CTBP2: variants seen among roughly 807,000 people sequenced by gnomAD.
CTBP2 encodes C-terminal binding protein 2, also known as C-terminal-binding protein 2.
Under a neutral mutation model 80.3 loss-of-function variants are expected in CTBP2, and 30 were observed. The ratio of observed to expected loss-of-function variants is 0.37; its 90% CI spans 0.28 to 0.51. The LOEUF (loss-of-function observed/expected upper bound fraction) is 0.51. Among genes scored for constraint, CTBP2 ranks in the 20% least tolerant of loss-of-function variants. The pLI is 0.93. For synonymous variants in CTBP2, 594 were observed against 587.4 expected, an observed-to-expected ratio of 1.01 and a Z score of -0.16; for missense variants, 1,212 against 1,375.3, an observed-to-expected ratio of 0.88 and a Z score of 1.88.
chr10:125,008,302 G>C (rs1302265096), intron 1 of CTBP2, among the ~76,000 whole-genome samples: 1 of 152,148 alleles, frequency 6.6e-6, no homozygotes, highest in Admixed American at 6.5e-5. Context: ...TCCTGACACC[G>C]TAGCAGTCTC....
chr10:124,995,288 C>T (rs11245455), intron 4 of CTBP2, among the ~76,000 whole-genome samples: 29,171 of 152,186 alleles, frequency 0.19, 3,443 homozygotes, highest in South Asian at 0.3. Context: ...TGGGGCCTCG[C>T]GCCCATCTGC....
At chr10:125,153,754 G>T (rs1005538454) in intron 1 of CTBP2, among the ~76,000 whole-genome samples, 8 of 152,240 alleles carry the variant, frequency 5.3e-5, no homozygotes, top group Non-Finnish European at 1.0e-4. Flanking sequence ...TAGGCCAGAG[G>T]AGTTGATCTC....
At chr10:125,051,000 G>A (rs1962615013) in intron 2 of CTBP2, among the ~76,000 whole-genome samples, 1 of 152,212 alleles carries the variant, frequency 6.6e-6, no homozygotes. Flanking sequence ...GAGAATTACA[G>A]CTCATCGTGA....
At chr10:125,038,260 T>C (rs1959081271) in intron 3 of CTBP2, among the ~76,000 whole-genome samples, 1 of 152,078 alleles carries the variant, frequency 6.6e-6, no homozygotes, top group South Asian at 2.1e-4. Context: ...AGCGTGTGCG[T>C]GAAGGGTGCA....
rs16406 is a variant in CTBP2 at position 124,985,898 on chromosome 10, CTTCT to C, written c.*3616_*3619del. ...ATGCCAGAGGGTCTTCGGATTCTTC[CTTCT>C]ATCACCTCTGCTCTAAGCAAATCTT... is the stretch of plus-strand genomic sequence containing the variant. On this transcript the variant is annotated 3_prime_UTR_variant, in exon 9 of 9. Coordinates refer to ENST00000309035, the MANE Select transcript of CTBP2 (RefSeq NM_022802.3). 0.13 allele frequency: 19,761 copies of C among 152,212 alleles called. 1,699 individuals carry two copies. The highest frequency in any genetic ancestry group is 0.27 in the South Asian group (1,303 of 4,818). 9.4% of individuals were successfully genotyped at this position (152,212 alleles called of 1,614,324 possible).
At chr10:125,000,962 A>G (rs1420988221) in intron 3 of CTBP2, 1 of 152,262 alleles carries the variant, frequency 6.6e-6, no homozygotes, top group Non-Finnish European at 1.5e-5. Context: ...AAGCGCCCTT[A>G]TCAGATGGGA....
At chr10:125,049,056 C>T (rs1284087209) in intron 2 of CTBP2, among the ~76,000 whole-genome samples, 1 of 70,520 alleles carries the variant, frequency 1.4e-5, no homozygotes, top group African/African-American at 5.7e-5. Flanking sequence ...GACACACACA[C>T]ACACACACAC....
chr10:125,097,596 C>T (rs1291757813), intron 2 of CTBP2, among the ~76,000 whole-genome samples: 1 of 152,144 alleles, frequency 6.6e-6, no homozygotes, highest in African/African-American at 2.4e-5. Context: ...GTGCATGCCT[C>T]ACGTGGGGTC....
chr10:125,121,307 C>G (rs1854284372), intron 1 of CTBP2, among the ~76,000 whole-genome samples: 1 of 152,224 alleles, frequency 6.6e-6, no homozygotes, highest in Non-Finnish European at 1.5e-5. Flanking sequence ...CAAGTGTTAG[C>G]TGTATCATAT....
intron 1 of CTBP2, among the ~76,000 whole-genome samples, chr10:125,024,302 G>A (rs1412642526): frequency 6.6e-6 from 1 of 152,182 alleles, no homozygotes; most frequent in Admixed American, 6.5e-5. Flanking sequence ...GCAGCTATGG[G>A]GTGGATCATT....
intron 1 of CTBP2, among the ~76,000 whole-genome samples, chr10:125,127,088 T>C (rs1194088592): frequency 6.6e-6 from 1 of 152,172 alleles, no homozygotes; most frequent in African/African-American, 2.4e-5. Flanking sequence ...TTACACGAAG[T>C]AGGCACGGAC....
At chr10:125,037,074 T>C (rs886848297) in intron 3 of CTBP2, among the ~76,000 whole-genome samples, 8 of 152,204 alleles carry the variant, frequency 5.3e-5, no homozygotes, top group Non-Finnish European at 7.3e-5. Context: ...ATTTAAAATA[T>C]ATAACTGCAA....
At chr10:125,033,366 A>C (rs78954767) in intron 3 of CTBP2, among the ~76,000 whole-genome samples, 2,824 of 152,330 alleles carry the variant, frequency 0.019, 45 homozygotes, top group Admixed American at 0.027. Context: ...GAGACAGAGG[A>C]ACGCCCTCGA....
intron 1 of CTBP2, among the ~76,000 whole-genome samples, chr10:125,148,663 G>C (rs1859254138): frequency 6.6e-6 from 1 of 152,136 alleles, no homozygotes; most frequent in African/African-American, 2.4e-5. Flanking sequence ...CCTCAACTAA[G>C]ACATTCTCGA....
At chr10:125,013,847 G>C (rs907085564) in intron 1 of CTBP2, among the ~76,000 whole-genome samples, 5 of 152,190 alleles carry the variant, frequency 3.3e-5, no homozygotes, top group African/African-American at 1.2e-4. Context: ...CTGGACACTG[G>C]AAAGACAGAC....
intron 1 of CTBP2, among the ~76,000 whole-genome samples, chr10:125,115,569 C>T (rs529244775): frequency 2.6e-5 from 4 of 152,184 alleles, no homozygotes; most frequent in Non-Finnish European, 5.9e-5. Context: ...ATGGAAGGTT[C>T]GTCCCAAGGC....
chr10:125,052,528 T>C (rs1963023695), intron 2 of CTBP2, among the ~76,000 whole-genome samples: 1 of 152,240 alleles, frequency 6.6e-6, no homozygotes. Flanking sequence ...GCCTTTGTGT[T>C]GTCTGTGTTA....
At chr10:125,009,110 C>G (rs1955577853) in intron 1 of CTBP2, among the ~76,000 whole-genome samples, 1 of 152,188 alleles carries the variant, frequency 6.6e-6, no homozygotes, top group African/African-American at 2.4e-5. Context: ...TATAAATGAC[C>G]CTGTGTCCTT....
At chr10:125,130,757 G>A (rs1856036642) in intron 1 of CTBP2, among the ~76,000 whole-genome samples, 2 of 152,130 alleles carry the variant, frequency 1.3e-5, no homozygotes, top group Admixed American at 1.3e-4. Flanking sequence ...TTTAGAGACC[G>A]ACTGTACTGC....
Sources: allele counts gnomAD v4.1 joint callset (sites outside exome capture counted in the v4.1 genomes callset), GRCh38; gene constraint gnomAD v4.1.1; transcripts MANE v1.5; gene names NCBI Gene and HGNC (gene_info 2026-07-23, HGNC 2026-07-21).